SNCG: variants seen among roughly 807,000 people sequenced by gnomAD.
SNCG encodes the protein gamma-synuclein.
Under a neutral mutation model 16.0 loss-of-function variants are expected in SNCG, and 13 were observed. The ratio of observed to expected loss-of-function variants is 0.81; its 90% CI spans 0.53 to 1.29. The LOEUF (loss-of-function observed/expected upper bound fraction) is 1.29. Ranked by LOEUF, SNCG falls within the 50% of genes most tolerant of loss-of-function variation. The pLI is 0.00. For missense variants in SNCG, 154 were observed against 168.5 expected, an observed-to-expected ratio of 0.91 and a Z score of 0.48; for synonymous variants, 66 against 66.3, an observed-to-expected ratio of 1.00 and a Z score of 0.02.
chr10:86,957,657 AAG>A, upstream of SNCG: 1 of 1,410,414 alleles, frequency 7.1e-7, no homozygotes, highest in Non-Finnish European at 9.5e-7. Flanking sequence ...GAGGACAACA[AAG>A]AGAGGAAGTG....
At chr10:86,961,566 G>A (rs778267950) in intron 3 of SNCG, among the ~76,000 whole-genome samples, 11 of 152,064 alleles carry the variant, frequency 7.2e-5, no homozygotes, top group South Asian at 2.1e-4. Flanking sequence ...TGTGAATCCC[G>A]GAGCAGGGCT....
intron 3 of SNCG, among the ~76,000 whole-genome samples, chr10:86,960,670 G>A (rs1844331134): frequency 6.6e-6 from 1 of 152,190 alleles, no homozygotes; most frequent in Admixed American, 6.5e-5. Context: ...GTGCACGTGT[G>A]TTGAGTGAGC....
chr10:86,962,597 C>G lies in SNCG; in HGVS notation c.292-7C>G, dbSNP rs2064607564. The G allele has an allele frequency of 6.2e-7, 1 of 1,608,218 alleles. No homozygotes were observed. The highest frequency in any genetic ancestry group is 8.5e-7 in the Non-Finnish European group (1 of 1,176,216). ...CATGGTCTCATGCCCCCTTTTGTCC[C>G]CTACAGGAGGACTTGAGGCCATCTG... On this transcript the variant is annotated splice_polypyrimidine_tract_variant and splice_region_variant and intron_variant, in intron 3 of 4. Coordinates refer to ENST00000372017, the MANE Select transcript of SNCG (RefSeq NM_003087.3).
intron 3 of SNCG, 106 bp downstream of exon 3, chr10:86,960,234 G>T: frequency 8.9e-7 from 1 of 1,122,492 alleles, no homozygotes; most frequent in Non-Finnish European, 1.3e-6. Flanking sequence ...AACACGGGGG[G>T]CTGCGGCTGG....
chr10:86,961,497 C>T (rs1844349790), intron 3 of SNCG, among the ~76,000 whole-genome samples: 1 of 152,084 alleles, frequency 6.6e-6, no homozygotes, highest in Non-Finnish European at 1.5e-5. Flanking sequence ...CCCCAGGGGG[C>T]TCCTCCCTCC....
upstream of SNCG, chr10:86,957,990 C>T (rs890684380): frequency 4.0e-6 from 4 of 1,012,104 alleles, no homozygotes; most frequent in Admixed American, 1.0e-4. Flanking sequence ...CAGCACTGGG[C>T]GGCTCAAAGA....
chr10:86,958,166 C>T, upstream of SNCG: 4 of 983,234 alleles, frequency 4.1e-6, no homozygotes, highest in Non-Finnish European at 4.8e-6. Context: ...ACAGCCCAGG[C>T]CGCGGGAGGT....
upstream of SNCG, among the ~76,000 whole-genome samples, chr10:86,955,984 G>T (rs1329110168): frequency 1.3e-5 from 2 of 152,132 alleles, no homozygotes; most frequent in Admixed American, 1.3e-4. Flanking sequence ...CAACCAAGGG[G>T]GTGGGGAGGA....
Position 86,959,533 on chromosome 10 carries a change from C to G in SNCG, c.122-100C>G. 4.7e-6 allele frequency: 5 copies of G among 1,061,130 alleles called. No homozygotes were observed. The highest frequency in any genetic ancestry group is 7.2e-6 in the Non-Finnish European group (5 of 692,644). 65.7% of individuals were successfully genotyped at this position (1,061,130 alleles called of 1,614,324 possible). ...CCCCCAGACACCATCCTTACCCCCC[C>G]ACCGACCCCACAGTTTGTCCAGCTG... On this transcript the variant is annotated intron_variant, in intron 1 of 4. Transcript: ENST00000372017. The surrounding 1 kb of genome is among the most constrained non-coding windows in gnomAD (Gnocchi z 4.3).
At chr10:86,960,194 G>A (rs912470148) in intron 3 of SNCG, 66 bp downstream of exon 3, 10 of 1,491,944 alleles carry the variant, frequency 6.7e-6, no homozygotes, top group East Asian at 2.3e-5. Flanking sequence ...GGGCGGAGGC[G>A]GCATCACTCC....
chr10:86,957,713 T>G, upstream of SNCG: 1 of 1,318,896 alleles, frequency 7.6e-7, no homozygotes, highest in Non-Finnish European at 1.0e-6. Context: ...GCCCCCCAAC[T>G]ACCCTGGCTG....
At chr10:86,958,238 T>TG (rs1187509147), upstream of SNCG, 3 of 968,514 alleles carry the variant, frequency 3.1e-6, no homozygotes, top group Non-Finnish European at 3.7e-6. Flanking sequence ...CTGGGGACAA[T>TG]GGCCAAGGCG....
At chr10:86,960,166 G>A (rs745490578) in intron 3 of SNCG, 38 bp downstream of exon 3, 7 of 1,587,698 alleles carry the variant, frequency 4.4e-6, no homozygotes, top group Non-Finnish European at 5.2e-6. Context: ...GTCCTCTCCT[G>A]GGCCCAGAAA....
Position 86,963,228 on chromosome 10 carries a change from A to C in SNCG, c.*243A>C. The C allele has an allele frequency of 2.3e-6, 1 of 428,600 alleles. No homozygotes were observed. The highest frequency in any genetic ancestry group is 4.1e-6 in the Non-Finnish European group (1 of 243,276). 26.5% of individuals were successfully genotyped at this position (428,600 alleles called of 1,614,324 possible). A position where few individuals can be genotyped will look rare whatever the true frequency, so the allele number is the denominator to read the frequency against. On this transcript the variant is annotated 3_prime_UTR_variant, in exon 5 of 5. Coordinates refer to ENST00000372017, the MANE Select transcript of SNCG (RefSeq NM_003087.3). ...ATGCTGCTGTGAATTTTTTTTTTAAATGATTCCAAATAAAACTTGAGCCCA... is the reference window on the plus strand; with the variant it reads ...ATGCTGCTGTGAATTTTTTTTTTAACTGATTCCAAATAAAACTTGAGCCCA...
At chr10:86,958,575 T>C, upstream of SNCG, 2 of 1,268,754 alleles carry the variant, frequency 1.6e-6, no homozygotes, top group Non-Finnish European at 1.0e-6. Context: ...CAATATTTCA[T>C]CGGCGTCAAT....
At chr10:86,957,646 C>G, upstream of SNCG, 1 of 1,433,980 alleles carries the variant, frequency 7.0e-7, no homozygotes, top group Non-Finnish European at 9.3e-7. Context: ...AAAGAAAATA[C>G]GAGGACAACA....
chr10:86,960,081 G>A lies in SNCG; in HGVS notation c.244G>A (p.Val82Met), dbSNP rs571247014. 1.9e-5 allele frequency: 31 copies of A among 1,613,402 alleles called. No individual in the cohort carries two copies. The South Asian group carries it at 3.1e-4, about 16-fold the overall frequency. ...CGTCAACACTGTGGCCACCAAGACC[G>A]TGGAGGAGGCGGAGAACATCGCGGT... is the stretch of plus-strand genomic sequence containing the variant. ...SSVNTVATKT[V>M]EEAENIAVTS... The change falls in exon 3 of 5, where the codon GTG (valine) becomes ATG (methionine). Residue 82 changes from valine to methionine, a missense_variant. Transcript: ENST00000372017.
intron 3 of SNCG, among the ~76,000 whole-genome samples, chr10:86,960,661 T>C (rs1039907406): frequency 6.6e-6 from 1 of 152,196 alleles, no homozygotes; most frequent in Admixed American, 6.5e-5. Flanking sequence ...TGTGTGTGTG[T>C]GCACGTGTGT....
upstream of SNCG, among the ~76,000 whole-genome samples, chr10:86,956,951 G>A (rs1405493723): frequency 6.6e-6 from 1 of 152,220 alleles, no homozygotes; most frequent in Non-Finnish European, 1.5e-5. Flanking sequence ...GCTCACTGCT[G>A]GGCAGTCAGA....
Sources: gnomAD v4.1 joint callset for allele counts (sites outside exome capture counted in the v4.1 genomes callset) on GRCh38, gnomAD v4.1.1 for gene constraint, Gnocchi (gnomAD v3.1) non-coding constraint, MANE v1.5 for transcripts, NCBI Gene and HGNC (gene_info 2026-07-23, HGNC 2026-07-21) for gene names.